Variants in TGFBR3 observed in about 807,000 individuals in gnomAD.
The protein encoded by TGFBR3 is transforming growth factor beta receptor type 3.
Under a neutral mutation model 87.9 loss-of-function variants are expected in TGFBR3, and 46 were observed. The observed-to-expected ratio is 0.52, with a 90% CI of 0.41 to 0.67. The LOEUF is 0.67. TGFBR3 is among the 30% of genes least tolerant of loss of function. The pLI is 0.00. For synonymous variants in TGFBR3, 381 were observed against 391.6 expected, an observed-to-expected ratio of 0.97 and a Z score of 0.32; for missense variants, 866 against 1,041.9, an observed-to-expected ratio of 0.83 and a Z score of 2.32.
chr1:91,766,189 G>T (rs284183), intron 3 of TGFBR3, among the ~76,000 whole-genome samples: 94,595 of 144,538 alleles, frequency 0.65, 31,358 homozygotes, highest in African/African-American at 0.72. Flanking sequence ...AACCAGCTAA[G>T]TTTGTTTTCT....
chr1:91,840,355 C>T (rs1677223094), intron 2 of TGFBR3, among the ~76,000 whole-genome samples: 1 of 151,132 alleles, frequency 6.6e-6, no homozygotes, highest in Admixed American at 6.6e-5. Flanking sequence ...CTATCTTGTA[C>T]TCTCAAGATG....
chr1:91,706,821 G>A (rs889221246), intron 14 of TGFBR3, among the ~76,000 whole-genome samples: 1 of 152,138 alleles, frequency 6.6e-6, no homozygotes, highest in Non-Finnish European at 1.5e-5. Context: ...AGTACAAAAT[G>A]GAGCCAGCTG....
chr1:91,790,175 C>T (rs910933515), intron 3 of TGFBR3, among the ~76,000 whole-genome samples: 1 of 152,174 alleles, frequency 6.6e-6, no homozygotes, highest in East Asian at 1.9e-4. Flanking sequence ...ACATATACAA[C>T]GGTGGTCTCA....
chr1:91,870,710 A>G (rs1205458216), intron 1 of TGFBR3, among the ~76,000 whole-genome samples: 2 of 152,188 alleles, frequency 1.3e-5, no homozygotes, highest in African/African-American at 4.8e-5. Context: ...CAAGATGCTA[A>G]GTAAGGCTGG....
chr1:91,760,798 C>T (rs1283301420), intron 3 of TGFBR3, among the ~76,000 whole-genome samples: 1 of 152,088 alleles, frequency 6.6e-6, no homozygotes, highest in Non-Finnish European at 1.5e-5. Context: ...CTGTCCGCAT[C>T]TAGAAATAAA....
At chr1:91,856,877 G>T (rs1319101592) in intron 2 of TGFBR3, among the ~76,000 whole-genome samples, 2 of 152,192 alleles carry the variant, frequency 1.3e-5, no homozygotes, top group Non-Finnish European at 2.9e-5. Context: ...CCTAGAGAAG[G>T]ATCTAGTGGT....
chr1:91,837,434 C>T (rs139876499), intron 2 of TGFBR3, among the ~76,000 whole-genome samples: 1,544 of 152,032 alleles, frequency 0.01, 28 homozygotes, highest in African/African-American at 0.036. Context: ...TCAGTAGAGA[C>T]GGGGTTTCAC....
chr1:91,880,593 G>A (rs545604928), intron 1 of TGFBR3, among the ~76,000 whole-genome samples: 7 of 151,742 alleles, frequency 4.6e-5, no homozygotes, highest in Admixed American at 1.3e-4. Flanking sequence ...GCGAGACTCC[G>A]TCCCAAAAAA....
chr1:91,708,652 C>T lies in TGFBR3; in HGVS notation c.2287+11G>A, dbSNP rs17878445. 1 of 1,613,976 alleles carries T rather than the reference C, an allele frequency of 6.2e-7. No individual in the cohort carries two copies. Among genetic ancestry groups the T allele is most frequent in the Admixed American group, 1.7e-5 (1 of 60,028 alleles). On this transcript the variant is annotated intron_variant, in intron 14 of 16. Transcript: ENST00000212355. ...AGGCCCCATGCTCTGATCGTGCCTC[C>T]CAAAGCACACCTTTAGATTCTGCTT... is the stretch of plus-strand genomic sequence containing the variant.
intron 3 of TGFBR3, among the ~76,000 whole-genome samples, chr1:91,776,598 T>A (rs72967166): frequency 0.014 from 2,084 of 152,098 alleles, 63 homozygotes; most frequent in African/African-American, 0.048. Context: ...AAATGCCAGG[T>A]TTTGTAATTC....
rs541270179 is a variant in TGFBR3 at position 91,748,398 on chromosome 1, C to T, written c.384+10215G>A. On this transcript the variant is annotated intron_variant, in intron 4 of 16. Coordinates refer to ENST00000212355, the MANE Select transcript of TGFBR3 (RefSeq NM_003243.5). ...TCCTGGTGGAGCTGATCCAGAAACG[C>T]TCCAACTGGGACCCCAGAGGGAAAG... Among the ~76,000 whole-genome samples the T allele has an allele frequency of 1.7e-4, 26 of 152,316 alleles. No individual in the cohort carries two copies. In the East Asian group the frequency reaches 3.7e-3, roughly 21 times the overall value.
At chr1:91,813,763 C>G (rs1676106400) in intron 2 of TGFBR3, among the ~76,000 whole-genome samples, 1 of 152,178 alleles carries the variant, frequency 6.6e-6, no homozygotes, top group Admixed American at 6.5e-5. Flanking sequence ...GGCAGCAGTC[C>G]CCAACCTTTT....
intron 1 of TGFBR3, among the ~76,000 whole-genome samples, chr1:91,867,376 G>A (rs979269559): frequency 6.6e-6 from 1 of 152,182 alleles, no homozygotes; most frequent in African/African-American, 2.4e-5. Context: ...TCAGAGGCAA[G>A]GTGGGCTGTC....
At chr1:91,872,250 C>G (rs1180618358) in intron 1 of TGFBR3, among the ~76,000 whole-genome samples, 1 of 152,122 alleles carries the variant, frequency 6.6e-6, no homozygotes. Context: ...TCCACATAAT[C>G]CCTACCCATA....
chr1:91,746,257 CAA>C (rs1557689221), intron 4 of TGFBR3, among the ~76,000 whole-genome samples: 1 of 152,144 alleles, frequency 6.6e-6, no homozygotes, highest in Non-Finnish European at 1.5e-5. Context: ...TGTATATACA[CAA>C]AGAGAAGCAA....
rs5776119 is a variant in TGFBR3, at chr1:91,817,880, GAA to G, written c.62-20411_62-20410del. ...TTTCTGAAGGATGCTACTGATAACA[GAA>G]AAAAAAAAAAAAAGTCAATATACTT... On this transcript the variant is annotated intron_variant, in intron 2 of 16. Transcript: ENST00000212355. Among the ~76,000 whole-genome samples the G allele has an allele frequency of 8.2e-3, 1,138 of 139,088 alleles. 17 individuals are homozygous for G. The highest frequency in any genetic ancestry group is 0.028 in the African/African-American group (1,068 of 37,774). The allele number at this position is 139,088 out of a possible 152,430, so 91.2% of individuals were successfully genotyped here.
rs548118517 is a variant in TGFBR3 at position 91,727,979 on chromosome 1, T to C, written c.738-173A>G. ...GATTGTTACTGCACACATAACAAAA[T>C]TGTTTTACATAACAATAGAAACATA... On this transcript the variant is annotated intron_variant, in intron 6 of 16. Coordinates refer to ENST00000212355, the MANE Select transcript of TGFBR3 (RefSeq NM_003243.5). 2.3e-4 allele frequency: 158 copies of C among 687,636 alleles called. No individual in the cohort carries two copies. In the African/African-American group the frequency reaches 2.7e-3, roughly 12 times the overall value. 42.6% of individuals were successfully genotyped at this position (687,636 alleles called of 1,614,324 possible).
intron 16 of TGFBR3, among the ~76,000 whole-genome samples, chr1:91,684,122 T>C (rs1266492844): frequency 2.0e-5 from 3 of 151,936 alleles, no homozygotes; most frequent in African/African-American, 7.3e-5. Context: ...CCCCTGAGAG[T>C]TGATGACAAA....
Position 91,680,501 on chromosome 1 carries a change from G to A in TGFBR3, c.*3238C>T, listed in dbSNP as rs757995859. ...TCAAACTGGCCACAGGGATTTTAAG[G>A]GTACTCGTTTTACCCTCATAGATGA... On this transcript the variant is annotated 3_prime_UTR_variant, in exon 17 of 17. Coordinates refer to ENST00000212355, the MANE Select transcript of TGFBR3 (RefSeq NM_003243.5). 2.2e-6 allele frequency: 1 copy of A among 453,958 alleles called. No individual in the cohort carries two copies. The highest frequency in any genetic ancestry group is 4.4e-6 in the Non-Finnish European group (1 of 226,774). 28.1% of individuals were successfully genotyped at this position (453,958 alleles called of 1,614,324 possible).
Sources: allele counts gnomAD v4.1 joint callset (sites outside exome capture counted in the v4.1 genomes callset), GRCh38; gene constraint gnomAD v4.1.1; transcripts MANE v1.5; gene names NCBI Gene and HGNC (gene_info 2026-07-23, HGNC 2026-07-21).